MATCAP2: variants seen among roughly 807,000 people sequenced by gnomAD.
MATCAP2 encodes the protein putative tyrosine carboxypeptidase MATCAP2.
the MATCAP2 span, among the ~76,000 whole-genome samples, chr7:36,378,334 C>T: frequency 1.2e-4 from 19 of 152,222 alleles, no homozygotes; most frequent in Admixed American, 1.0e-3. Flanking sequence ...CAGTCAGGCC[C>T]CTCAGCTGCA....
chr7:36,379,838 AC>A, the MATCAP2 span, among the ~76,000 whole-genome samples: 6 of 147,110 alleles, frequency 4.1e-5, no homozygotes, highest in African/African-American at 1.5e-4. Flanking sequence ...ACACACACAC[AC>A]ACACACACAG....
At chr7:36,346,656 G>C in the MATCAP2 span, among the ~76,000 whole-genome samples, 1 of 152,174 alleles carries the variant, frequency 6.6e-6, no homozygotes, top group African/African-American at 2.4e-5. Flanking sequence ...TTGCTAATGG[G>C]TACAGTGTTT....
chr7:36,372,737 T>C, the MATCAP2 span, among the ~76,000 whole-genome samples: 8 of 152,182 alleles, frequency 5.3e-5, no homozygotes, highest in East Asian at 1.9e-4. Context: ...TCCTATTATA[T>C]ACAAGGTAAA....
chr7:36,340,016 T>C, the MATCAP2 span, among the ~76,000 whole-genome samples: 3 of 152,032 alleles, frequency 2.0e-5, no homozygotes, highest in Non-Finnish European at 4.4e-5. Context: ...GCATCTGCCA[T>C]CATGCCCGGC....
At chr7:36,383,822 A>T in the MATCAP2 span, 15 of 1,384,266 alleles carry the variant, frequency 1.1e-5, no homozygotes, top group African/African-American at 1.5e-5. Flanking sequence ...TAATAATTTT[A>T]AAAAGTGTAA....
chr7:36,369,124 T>TC, the MATCAP2 span, among the ~76,000 whole-genome samples: 1 of 152,178 alleles, frequency 6.6e-6, no homozygotes, highest in East Asian at 1.9e-4. Context: ...ACTGCTATAT[T>TC]CCCACACCAA....
the MATCAP2 span, among the ~76,000 whole-genome samples, chr7:36,387,901 C>T: frequency 2.0e-5 from 3 of 152,084 alleles, no homozygotes; most frequent in Non-Finnish European, 4.4e-5. Flanking sequence ...CACAGACACG[C>T]CCCAAATACA....
At chr7:36,389,748 C>T in the MATCAP2 span, 4 of 408,520 alleles carry the variant, frequency 9.8e-6, no homozygotes, top group Non-Finnish European at 1.7e-5. Flanking sequence ...AACCACCCGG[C>T]CCGGCGCGGC....
the MATCAP2 span, chr7:36,357,320 C>T: frequency 9.3e-6 from 15 of 1,614,030 alleles, no homozygotes; most frequent in African/African-American, 4.0e-5. Flanking sequence ...TTTCATCCTG[C>T]GAGGATCTTT....
chr7:36,329,120 TTTACTA>T, the MATCAP2 span, among the ~76,000 whole-genome samples: 3,132 of 152,250 alleles, frequency 0.021, 49 homozygotes, highest in Middle Eastern at 0.051. Context: ...TTTTTAAAGT[TTTACTA>T]TTAATATTAT....
the MATCAP2 span, among the ~76,000 whole-genome samples, chr7:36,370,622 C>T: frequency 6.6e-6 from 1 of 152,136 alleles, no homozygotes; most frequent in African/African-American, 2.4e-5. Flanking sequence ...GCTGGGATTA[C>T]AGGCATGCGC....
At chr7:36,357,299 G>T in the MATCAP2 span, 1 of 1,614,198 alleles carries the variant, frequency 6.2e-7, no homozygotes, top group Non-Finnish European at 8.5e-7. Context: ...GCTTGTCACA[G>T]GCACCAGGGC....
At chr7:36,353,405 C>T in the MATCAP2 span, among the ~76,000 whole-genome samples, 1 of 151,650 alleles carries the variant, frequency 6.6e-6, no homozygotes, top group African/African-American at 2.4e-5. Context: ...AGCTTTAGTA[C>T]TAACTTTCTG....
chr7:36,356,955 GAGC>G, the MATCAP2 span: 1 of 1,614,216 alleles, frequency 6.2e-7, no homozygotes, highest in South Asian at 1.1e-5. Flanking sequence ...ACGCTTGGCA[GAGC>G]AGGATTGGCA....
the MATCAP2 span, among the ~76,000 whole-genome samples, chr7:36,344,825 A>C: frequency 6.6e-6 from 1 of 152,234 alleles, no homozygotes; most frequent in East Asian, 1.9e-4. Context: ...CCACTTCCCT[A>C]AAAATCCAGC....
At chr7:36,329,834 A>G in the MATCAP2 span, among the ~76,000 whole-genome samples, 3 of 152,120 alleles carry the variant, frequency 2.0e-5, no homozygotes, top group Non-Finnish European at 4.4e-5. Context: ...GGTGGTCACT[A>G]ACTTAACCCA....
chr7:36,345,764 G>T, the MATCAP2 span, among the ~76,000 whole-genome samples: 1 of 152,064 alleles, frequency 6.6e-6, no homozygotes, highest in Non-Finnish European at 1.5e-5. Flanking sequence ...TTAGAAGCAA[G>T]CATAGGCATA....
the MATCAP2 span, among the ~76,000 whole-genome samples, chr7:36,343,550 GAGGGA>G: frequency 1.1e-3 from 32 of 28,814 alleles, no homozygotes; most frequent in Non-Finnish European, 1.7e-3. Context: ...GAGAGGAGGG[GAGGGA>G]AGGGAAGGGA....
the MATCAP2 span, chr7:36,326,804 C>T: frequency 6.2e-7 from 1 of 1,613,810 alleles, no homozygotes; most frequent in East Asian, 2.2e-5. Context: ...TCATTCACTT[C>T]CATGATCTTC....
Sources: allele counts gnomAD v4.1 joint callset (sites outside exome capture counted in the v4.1 genomes callset), GRCh38; gene constraint gnomAD v4.1.1; transcripts MANE v1.5; gene names NCBI Gene and HGNC (gene_info 2026-07-23, HGNC 2026-07-21).